CACNA1F: variants seen among roughly 807,000 people sequenced by gnomAD.
CACNA1F encodes the protein voltage-dependent L-type calcium channel subunit alpha-1F.
A neutral mutation model predicts 143.8 loss-of-function variants in CACNA1F; 59 were observed. The ratio of observed to expected loss-of-function variants is 0.41; its 90% CI spans 0.33 to 0.51. The LOEUF (loss-of-function observed/expected upper bound fraction) is 0.51, where lower values mean the gene tolerates loss of function less well. Ranked by LOEUF, CACNA1F falls within the 20% of genes least tolerant of loss-of-function variation. The pLI is 0.22. For missense variants in CACNA1F, 1,411 were observed against 1,647.5 expected, an observed-to-expected ratio of 0.86 and a Z score of 2.48; for synonymous variants, 643 against 649.1, an observed-to-expected ratio of 0.99 and a Z score of 0.14.
intron 14 of CACNA1F, 69 bp from the exon 15 acceptor site, chrX:49,223,205 CAGGG>C: frequency 1.4e-6 from 1 of 707,839 alleles, no homozygotes; most frequent in Non-Finnish European, 2.2e-6. Flanking sequence ...CATCAGGAGC[CAGGG>C]CAGGGCTCCA....
Position 49,222,756 on chromosome X carries a change from A to G in CACNA1F, c.2168T>C (p.Val723Ala). 2 of 1,210,678 alleles carry G rather than the reference A, an allele frequency of 1.7e-6. No homozygotes were observed. Among genetic ancestry groups the G allele is most frequent in the Non-Finnish European group, 2.2e-6 (2 of 894,684 alleles). ...YGGPFFPGML[V>A]CIYFIILFIC... ...GAAGAGAATGATGAAATAGATGCAC[A>G]CCAACATTCCTGGGAAGAAGGGGCC... The change falls in exon 16 of 48, where the codon GTG becomes GCG. Residue 723 changes from valine to alanine, a missense_variant. Val to Ala is a moderately conservative substitution (Grantham distance 64, BLOSUM62 0). Around this residue, in one of 3 missense-constraint regions of CACNA1F, gnomAD observed 950 missense variants for 1,128.1 expected, o/e 0.84. Coordinates refer to ENST00000323022, the MANE Select transcript of CACNA1F (RefSeq NM_001256789.3).
At position 49,205,613 on chromosome X, in the gene CACNA1F, C is replaced by T. The variant is rs1557104662; in HGVS notation, c.5670+3G>A. 4 of 1,200,931 alleles carry T rather than the reference C, an allele frequency of 3.3e-6. No homozygotes were observed. The highest frequency in any genetic ancestry group is 4.5e-6 in the Non-Finnish European group (4 of 889,305). On this transcript the variant is annotated splice_donor_region_variant and intron_variant, in intron 47 of 47. Coordinates refer to ENST00000323022, the MANE Select transcript of CACNA1F (RefSeq NM_001256789.3). ...GTCTTGTCTATATGCCCTCTGGACT[C>T]ACAGCCTCCACCAAGCTGTCGGCAC...
At chrX:49,227,935 G>A (rs2065840637) in intron 8 of CACNA1F, 101 bp downstream of exon 8, 1 of 572,262 alleles carries the variant, frequency 1.7e-6, no homozygotes, top group African/African-American at 2.3e-5. Context: ...GAATGAAGGA[G>A]TATTTCAGAT....
At position 49,205,722 on chromosome X, in the gene CACNA1F, C is replaced by T; in HGVS notation, c.5564G>A (p.Gly1855Asp). Residue 1855 changes from glycine (G) to aspartate (D), a missense_variant, in exon 47 of 48, where the codon GGC becomes GAC. Transcript: ENST00000323022. ...EEGAAGEGYL[G>D]RSSGPLRTFT... is the part of the protein sequence containing the mutation. ...GGTGCGCAGTGGGCCACTGGATCTG[C>T]CGAGGTACCCCTCCCCCGCTGCGCC... The T allele has an allele frequency of 8.3e-7, 1 of 1,204,494 alleles. No homozygotes were observed. The highest frequency in any genetic ancestry group is 1.1e-6 in the Non-Finnish European group (1 of 891,781).
Position 49,226,262 on chromosome X carries a change from G to A in CACNA1F, c.1464-19C>T. ...CTTGTTTCTGAAAAAGAAGGGGGAT[G>A]GGAGGTGTGTGTCGTAAAGGGCAGA... On this transcript the variant is annotated intron_variant, in intron 11 of 47. Coordinates refer to ENST00000323022, the MANE Select transcript of CACNA1F (RefSeq NM_001256789.3). The A allele has an allele frequency of 8.3e-7, 1 of 1,199,293 alleles. No homozygotes were observed. Among genetic ancestry groups the A allele is most frequent in the Non-Finnish European group, 1.1e-6 (1 of 884,089 alleles).
At chrX:49,223,170 C>T in intron 14 of CACNA1F, 34 bp from the exon 15 acceptor site, 1 of 973,731 alleles carries the variant, frequency 1.0e-6, no homozygotes, top group South Asian at 2.0e-5. Context: ...AGGGTCGATG[C>T]CATGTCCACT....
At chrX:49,225,444 G>A (rs1217693594) in intron 13 of CACNA1F, among the ~76,000 whole-genome samples, 1 of 111,005 alleles carries the variant, frequency 9.0e-6, no homozygotes, top group South Asian at 3.8e-4. Context: ...ACTCCTCTTC[G>A]CTGCTTCATG....
intron 4 of CACNA1F, 33 bp downstream of exon 4, chrX:49,230,817 G>A (rs1557111154): frequency 8.6e-7 from 1 of 1,164,732 alleles, no homozygotes; most frequent in Non-Finnish European, 1.2e-6. Context: ...GTAGGAAGGC[G>A]ACTAGGGTGG....
In CACNA1F at chrX:49,226,678, T is replaced by C; in HGVS notation, c.1301A>G (p.Asn434Ser). The C allele has an allele frequency of 4.2e-6, 5 of 1,180,739 alleles. No individual in the cohort carries two copies. The highest frequency in any genetic ancestry group is 5.7e-6 in the Non-Finnish European group (5 of 879,658). The change falls in exon 10 of 48, where the codon AAT becomes AGT. Residue 434 changes from asparagine (N) to serine (S), a missense_variant. Asn to Ser is a conservative substitution (Grantham distance 46). This residue lies in a region of CACNA1F where 950 missense variants were observed against 1,128.1 expected (regional missense o/e 0.84). Coordinates refer to ENST00000323022, the MANE Select transcript of CACNA1F (RefSeq NM_001256789.3). Reference sequence around the variant, plus strand: ...CCAGCGCAGACGTCCACGCCTCCTATTGGTCAGCTCGGCCAGCTGTGGCCC... The same window carrying C: ...CCAGCGCAGACGTCCACGCCTCCTACTGGTCAGCTCGGCCAGCTGTGGCCC... ...NLGPQLAELT[N>S]RRRGRLRWFS... is the part of the protein sequence containing the mutation.
Position 49,224,978 on chromosome X carries a change from T to C in CACNA1F, c.1660A>G (p.Asn554Asp), listed in dbSNP as rs1557109552. 1 of 1,174,262 alleles carries C rather than the reference T, an allele frequency of 8.5e-7. No homozygotes were observed. The change falls in exon 14 of 48, where the codon AAC becomes GAC. Residue 554 changes from asparagine (N) to aspartate (D), a missense_variant. Transcript: ENST00000323022. Reference protein sequence around the residue: ...VWLTQIQEYANKVLLCLFTVE... With the variant: ...VWLTQIQEYADKVLLCLFTVE... ...GTGAACAGACAGAGCAACACTTTGTTGGCATACTCTGTGGGGAGAGAGGCA... is the reference window on the plus strand; with the variant it reads ...GTGAACAGACAGAGCAACACTTTGTCGGCATACTCTGTGGGGAGAGAGGCA...
In CACNA1F at chrX:49,215,324, T is replaced by C. The variant is rs782275686; in HGVS notation, c.3438+18A>G. 8.3e-7 allele frequency: 1 copy of C among 1,206,626 alleles called. No individual in the cohort carries two copies. Among genetic ancestry groups the C allele is most frequent in the South Asian group, 1.8e-5 (1 of 56,616 alleles). ...AGGGTTGGTGACCATCCATAGGGGG[T>C]CAGGGGTCAGAGGTCACCTGGTTCT... On this transcript the variant is annotated intron_variant, in intron 28 of 47. Coordinates refer to ENST00000323022, the MANE Select transcript of CACNA1F (RefSeq NM_001256789.3).
At chrX:49,206,169 G>T (rs1434830620) in intron 46 of CACNA1F, among the ~76,000 whole-genome samples, 1 of 110,004 alleles carries the variant, frequency 9.1e-6, no homozygotes, top group African/African-American at 3.3e-5. Flanking sequence ...GAGACAGGCG[G>T]ATCACCTGAG....
At position 49,211,484 on chromosome X, in the gene CACNA1F, G is replaced by A; in HGVS notation, c.4101-3C>T. 8.3e-7 allele frequency: 1 copy of A among 1,205,942 alleles called. No homozygotes were observed. The highest frequency in any genetic ancestry group is 1.1e-6 in the Non-Finnish European group (1 of 890,070). ...GCCATGCCTCACCAGTGGCACACCTGGTGGGAGTCACACAGGGGTAGCATC... is the reference window on the plus strand; with the variant it reads ...GCCATGCCTCACCAGTGGCACACCTAGTGGGAGTCACACAGGGGTAGCATC... On this transcript the variant is annotated splice_region_variant and splice_polypyrimidine_tract_variant and intron_variant, in intron 35 of 47. Coordinates refer to ENST00000323022, the MANE Select transcript of CACNA1F (RefSeq NM_001256789.3).
intron 6 of CACNA1F, among the ~76,000 whole-genome samples, chrX:49,229,655 T>TG (rs1209253276): frequency 8.2e-5 from 9 of 110,226 alleles, no homozygotes; most frequent in Non-Finnish European, 1.9e-5. Context: ...AGTCTCGCTC[T>TG]GTCGCCCAGG....
Position 49,217,788 on chromosome X carries a change from G to A in CACNA1F, c.3056C>T (p.Thr1019Met), listed in dbSNP as rs782236940. Residue 1019 changes from threonine to methionine, a missense_variant, in exon 26 of 48, where the codon ACG becomes ATG. Thr to Met is a moderately conservative substitution (Grantham distance 81, BLOSUM62 -1). This residue lies in a region of CACNA1F where 950 missense variants were observed against 1,128.1 expected (regional missense o/e 0.84). Coordinates refer to ENST00000323022, the MANE Select transcript of CACNA1F (RefSeq NM_001256789.3). Reference protein sequence around the residue: ...QLFKGKFYTCTDEAKHTPQEC... With the variant: ...QLFKGKFYTCMDEAKHTPQEC... ...TTGAGGGGTGTGTTTGGCCTCGTCC[G>A]TGCAGGTGTAGAATTTCCCCTGTAG... 2.5e-6 allele frequency: 3 copies of A among 1,209,580 alleles called. No individual in the cohort carries two copies. The highest frequency in any genetic ancestry group is 3.5e-5 in the South Asian group (2 of 56,888).
chrX:49,207,844 GAAGT>G (rs1366968046), intron 43 of CACNA1F, among the ~76,000 whole-genome samples: 2 of 109,818 alleles, frequency 1.8e-5, no homozygotes, highest in African/African-American at 6.6e-5. Context: ...TTATCCCTGT[GAAGT>G]AAGTGCTTTG....
At chrX:49,230,749 G>A (rs2065869600) in intron 4 of CACNA1F, 101 bp downstream of exon 4, 2 of 1,080,975 alleles carry the variant, frequency 1.9e-6, no homozygotes, top group Admixed American at 2.7e-5. Context: ...TCTGGCTGCC[G>A]AATGGGGGCG....
At chrX:49,212,379 G>T in intron 33 of CACNA1F, 71 bp from the exon 34 acceptor site, 1 of 892,530 alleles carries the variant, frequency 1.1e-6, no homozygotes, top group Non-Finnish European at 1.6e-6. Flanking sequence ...GCCCCAGAAT[G>T]CACTGCTTTC....
chrX:49,211,352 G>A lies in CACNA1F; in HGVS notation c.4230C>T (p.Phe1410=). 8.3e-7 allele frequency: 1 copy of A among 1,211,240 alleles called. No individual in the cohort carries two copies. Among genetic ancestry groups the A allele is most frequent in the Non-Finnish European group, 1.1e-6 (1 of 895,055 alleles). Residue 1410 remains phenylalanine, a synonymous_variant, in exon 36 of 48, where the codon TTC becomes TTT. Coordinates refer to ENST00000323022, the MANE Select transcript of CACNA1F (RefSeq NM_001256789.3). ...AGGCACAGAGCATGAAGAAGCTGATGAAATAGGCGATGGCAAAATTGCTAC... is the reference window on the plus strand; with the variant it reads ...AGGCACAGAGCATGAAGAAGCTGATAAAATAGGCGATGGCAAAATTGCTAC... ...TCGSNFAIAY[F]ISFFMLCAFL... is the part of the protein sequence containing the mutation.
Sources: allele counts gnomAD v4.1 joint callset (sites outside exome capture counted in the v4.1 genomes callset), GRCh38; gene constraint gnomAD v4.1.1; regional missense constraint gnomAD v4.1.1; transcripts MANE v1.5; gene names NCBI Gene and HGNC (gene_info 2026-07-23, HGNC 2026-07-21).